Variants in HERC3 observed in about 807,000 individuals in gnomAD.
HERC3 encodes the protein HECT and RLD domain containing E3 ubiquitin protein ligase 3, also known as probable E3 ubiquitin-protein ligase HERC3.
Under a neutral mutation model 129.9 loss-of-function variants are expected in HERC3, and 58 were observed. The observed-to-expected ratio is 0.45, with a 90% CI of 0.36 to 0.56. The LOEUF is 0.56. Among genes scored for constraint, HERC3 ranks in the 20% least tolerant of loss-of-function variants. The pLI is 0.00. For missense variants in HERC3, 835 were observed against 1,244.2 expected (o/e 0.67, Z 4.95); for synonymous variants, 430 against 451.0 (o/e 0.95, Z 0.59).
chr4:88,529,088 T>C, the HERC3 span, among the ~76,000 whole-genome samples: 36 of 152,226 alleles, frequency 2.4e-4, no homozygotes, highest in Middle Eastern at 3.4e-3. Flanking sequence ...CAGAAAATTA[T>C]AATAAGTGAA....
At chr4:88,597,050 C>CTG (rs145081218) in intron 2 of HERC3, among the ~76,000 whole-genome samples, 2,729 of 152,254 alleles carry the variant, frequency 0.018, 82 homozygotes, top group African/African-American at 0.062. Flanking sequence ...ATGTGCCACA[C>CTG]TATCTGTTTT....
In HERC3 at chr4:88,655,937, G is replaced by C; in HGVS notation, c.971G>C (p.Arg324Thr). The C allele has an allele frequency of 6.2e-7, 1 of 1,614,120 alleles. No homozygotes were observed. Residue 324 changes from arginine (R) to threonine (T), a missense_variant, in exon 9 of 26, where the codon AGA becomes ACA. Transcript: ENST00000402738. ...GLIYAFGCGA[R>T]GQLGTGHTCN... is the part of the protein sequence containing the mutation. ...ATCTATGCATTTGGTTGTGGAGCAA[G>C]AGGTCAATTAGGAACTGGGCACACT...
Position 88,603,362 on chromosome 4 carries a change from C to A in HERC3, c.-29-2433C>A, listed in dbSNP as rs571044243. Among the ~76,000 whole-genome samples the A allele has an allele frequency of 1.8e-4, 27 of 152,134 alleles. No individual in the cohort carries two copies. In the South Asian group the frequency reaches 5.4e-3, roughly 30 times the overall value. ...AGCTGGGATTATGGGCACCCGCCAC[C>A]ACGCCCCACTAATTTTTGTATTTTT... On this transcript the variant is annotated intron_variant, in intron 2 of 25. Transcript: ENST00000402738.
At chr4:88,643,210 C>T (rs1728321302) in intron 3 of HERC3, among the ~76,000 whole-genome samples, 1 of 152,060 alleles carries the variant, frequency 6.6e-6, no homozygotes, top group Admixed American at 6.6e-5. Flanking sequence ...CTGAAAACTA[C>T]AAAAGTCTGG....
chr4:88,704,119 T>C lies in HERC3; in HGVS notation c.2679T>C (p.Tyr893=). Residue 893 remains tyrosine, a synonymous_variant, in exon 24 of 26, where the codon TAT becomes TAC. Coordinates refer to ENST00000402738, the MANE Select transcript of HERC3 (RefSeq NM_014606.3). The part of the protein sequence containing the change: ...KDNRQEFVDA[Y]VNYVFQISVH... Reference sequence around the variant, plus strand: ...GCAGGCAGGAATTTGTGGATGCTTATGTGAATTATGTCTTCCAAATCTCAG... The same window carrying C: ...GCAGGCAGGAATTTGTGGATGCTTACGTGAATTATGTCTTCCAAATCTCAG... The C allele has an allele frequency of 2.5e-6, 4 of 1,613,952 alleles. No homozygotes were observed. Among genetic ancestry groups the C allele is most frequent in the Non-Finnish European group, 3.4e-6 (4 of 1,179,944 alleles).
At chr4:88,696,813 G>A (rs181769754) in intron 23 of HERC3, 580 of 177,324 alleles carry the variant, frequency 3.3e-3, no homozygotes, top group Non-Finnish European at 4.9e-3. Flanking sequence ...ATTAAGCACT[G>A]AGAACGTGTT....
At chr4:88,683,716 A>G (rs977796253) in intron 21 of HERC3, among the ~76,000 whole-genome samples, 2 of 152,270 alleles carry the variant, frequency 1.3e-5, no homozygotes, top group African/African-American at 4.8e-5. Context: ...TGTTGTTGCC[A>G]TAAACATATT....
In HERC3 at chr4:88,655,316, T is replaced by G. The variant is rs758156096; in HGVS notation, c.908+12T>G. 1.2e-6 allele frequency: 2 copies of G among 1,612,688 alleles called. No individual in the cohort carries two copies. Among genetic ancestry groups the G allele is most frequent in the Admixed American group, 3.3e-5 (2 of 59,960 alleles). ...ATTGCTTGTGGCAGGTGAGTGTTCC[T>G]CAAAGCTTGCTTGTATTCACTAGGA... On this transcript the variant is annotated intron_variant, in intron 8 of 25. Transcript: ENST00000402738.
the HERC3 span, among the ~76,000 whole-genome samples, chr4:88,559,921 C>A: frequency 6.6e-6 from 1 of 151,498 alleles, no homozygotes; most frequent in African/African-American, 2.4e-5. Flanking sequence ...CACAAGAGTT[C>A]TCTTTTCTCC....
chr4:88,610,747 C>T (rs1303684433), intron 3 of HERC3, among the ~76,000 whole-genome samples: 2 of 152,162 alleles, frequency 1.3e-5, no homozygotes, highest in African/African-American at 4.8e-5. Flanking sequence ...GGAAAGGAAG[C>T]AAAAACCTCG....
chr4:88,601,862 C>T (rs1289832696), intron 2 of HERC3, among the ~76,000 whole-genome samples: 1 of 94,838 alleles, frequency 1.1e-5, no homozygotes, highest in Non-Finnish European at 1.7e-5. Context: ...CGAGACCATC[C>T]CGGCTAAAAC....
the HERC3 span, among the ~76,000 whole-genome samples, chr4:88,559,401 A>G: frequency 1.3e-5 from 2 of 152,202 alleles, no homozygotes; most frequent in Non-Finnish European, 2.9e-5. Context: ...CAAAGCAGAT[A>G]TATGTTGTAT....
At chr4:88,543,925 T>G in the HERC3 span, among the ~76,000 whole-genome samples, 1 of 152,174 alleles carries the variant, frequency 6.6e-6, no homozygotes, top group Non-Finnish European at 1.5e-5. Flanking sequence ...TAACTCAAGA[T>G]GGATTAAAGA....
chr4:88,618,373 G>C (rs921290399), intron 3 of HERC3, among the ~76,000 whole-genome samples: 8 of 152,092 alleles, frequency 5.3e-5, no homozygotes, highest in African/African-American at 1.9e-4. Context: ...GTGGTGAATG[G>C]GCATATAGTC....
chr4:88,572,543 G>T, the HERC3 span, among the ~76,000 whole-genome samples: 1 of 152,166 alleles, frequency 6.6e-6, no homozygotes, highest in Non-Finnish European at 1.5e-5. Flanking sequence ...GAGTGTGGTG[G>T]CTCACACCTG....
chr4:88,670,267 A>G lies in HERC3; in HGVS notation c.1911+15A>G, dbSNP rs779616643. On this transcript the variant is annotated intron_variant, in intron 16 of 25. Transcript: ENST00000402738. ...AAGCAGGGATGGTAAGAATTCATAAAGCATATTTTAAAGCTTTAGTCTTTT... is the reference window on the plus strand; with the variant it reads ...AAGCAGGGATGGTAAGAATTCATAAGGCATATTTTAAAGCTTTAGTCTTTT... 17 of 1,520,270 alleles carry G rather than the reference A, an allele frequency of 1.1e-5. 1 individual carries two copies. In the South Asian group the frequency reaches 1.8e-4, roughly 16 times the overall value. The allele number at this position is 1,520,270 out of a possible 1,614,324, so 94.2% of individuals were successfully genotyped here. A position where few individuals can be genotyped will look rare whatever the true frequency, so the allele number is the denominator to read the frequency against.
At chr4:88,672,613 T>C (rs1489646724) in intron 16 of HERC3, among the ~76,000 whole-genome samples, 1 of 152,248 alleles carries the variant, frequency 6.6e-6, no homozygotes, top group Non-Finnish European at 1.5e-5. Flanking sequence ...GGCTGTGTAG[T>C]ATATTATTGA....
In HERC3 at chr4:88,680,173, G is replaced by A. The variant is rs768172398; in HGVS notation, c.2277G>A (p.Leu759=). Residue 759 remains leucine (L), a synonymous_variant, in exon 20 of 26, where the codon TTG becomes TTA. Coordinates refer to ENST00000402738, the MANE Select transcript of HERC3 (RefSeq NM_014606.3). ...EFFLLLLKEL[L]NPIYGMFTYY... is the part of the protein sequence containing the mutation. ...TTCTTTTGCTGTTAAAAGAACTTTT[G>A]AATCCCATCTATGGAATGTTTACCT... 1.5e-5 allele frequency: 25 copies of A among 1,613,156 alleles called. No individual in the cohort carries two copies. The highest frequency in any genetic ancestry group is 2.0e-5 in the Non-Finnish European group (24 of 1,179,494).
chr4:88,655,435 G>C, intron 8 of HERC3, 131 bp downstream of exon 8: 1 of 1,028,528 alleles, frequency 9.7e-7, no homozygotes. Flanking sequence ...CACGCCTATG[G>C]TGAAATGTGG....
Sources: gnomAD v4.1 joint callset for allele counts (sites outside exome capture counted in the v4.1 genomes callset) on GRCh38, gnomAD v4.1.1 for gene constraint, MANE v1.5 for transcripts, NCBI Gene and HGNC (gene_info 2026-07-23, HGNC 2026-07-21) for gene names.